The following CCDC178 variants were observed in gnomAD, a reference collection of about 807,000 sequenced individuals.
The protein encoded by CCDC178 is coiled-coil domain containing 178.
In CCDC178, 126 loss-of-function variants were observed where a neutral mutation model predicts 117.4. The ratio of observed to expected loss-of-function variants is 1.07; its 90% confidence interval spans 0.93 to 1.24. The LOEUF is 1.24. Ranked by LOEUF, CCDC178 falls within the 50% of genes most tolerant of loss-of-function variation. CCDC178 has a pLI of 0.00. For missense variants in CCDC178, 1,030 were observed against 986.9 expected, an observed-to-expected ratio of 1.04 and a Z score of -0.59; for synonymous variants, 283 against 313.4, an observed-to-expected ratio of 0.90 and a Z score of 1.02.
intron 21 of CCDC178, among the ~76,000 whole-genome samples, chr18:32,987,335 A>T (rs1430781280): frequency 6.6e-6 from 1 of 152,168 alleles, no homozygotes; most frequent in East Asian, 1.9e-4. Flanking sequence ...AGCACAATGA[A>T]ACATTGAGTA....
At chr18:33,297,858 G>A (rs967910435) in intron 11 of CCDC178, among the ~76,000 whole-genome samples, 9 of 151,960 alleles carry the variant, frequency 5.9e-5, no homozygotes, top group South Asian at 2.1e-4. Context: ...TGGCTAACAC[G>A]GTGAAACCCC....
At chr18:33,181,021 C>T (rs2058727871) in intron 20 of CCDC178, among the ~76,000 whole-genome samples, 1 of 151,896 alleles carries the variant, frequency 6.6e-6, no homozygotes, top group Non-Finnish European at 1.5e-5. Context: ...CAGCTTATAG[C>T]TTAGACCTAG....
At chr18:33,213,252 A>AT (rs572895588) in intron 19 of CCDC178, among the ~76,000 whole-genome samples, 10 of 151,880 alleles carry the variant, frequency 6.6e-5, no homozygotes, top group Non-Finnish European at 1.3e-4. Flanking sequence ...TTAAGTACTC[A>AT]TTTTTTTCTG....
At chr18:32,984,787 G>A (rs2144724776) in intron 21 of CCDC178, among the ~76,000 whole-genome samples, 1 of 152,066 alleles carries the variant, frequency 6.6e-6, no homozygotes, top group Middle Eastern at 3.4e-3. Context: ...AGAATTACAT[G>A]ACAGCTAAAT....
chr18:33,379,592 C>T (rs2063413907), intron 5 of CCDC178, among the ~76,000 whole-genome samples: 1 of 152,062 alleles, frequency 6.6e-6, no homozygotes, highest in African/African-American at 2.4e-5. Flanking sequence ...CAATAGGCAG[C>T]CTCTAGGTAC....
At chr18:33,025,309 C>A (rs1439893900) in intron 21 of CCDC178, among the ~76,000 whole-genome samples, 1 of 151,986 alleles carries the variant, frequency 6.6e-6, no homozygotes, top group Non-Finnish European at 1.5e-5. Flanking sequence ...AAATTCTAGA[C>A]AAAAATATCT....
chr18:33,434,767 G>A (rs1344945152), intron 2 of CCDC178, among the ~76,000 whole-genome samples: 5 of 152,092 alleles, frequency 3.3e-5, no homozygotes, highest in Non-Finnish European at 7.4e-5. Context: ...ACATGGGGAC[G>A]TGAAATGATT....
intron 4 of CCDC178, among the ~76,000 whole-genome samples, chr18:33,390,144 G>C (rs968152025): frequency 1.3e-5 from 2 of 151,094 alleles, no homozygotes; most frequent in African/African-American, 2.4e-5. Context: ...TGTAGGATTT[G>C]TAATTGCTAG....
intron 5 of CCDC178, among the ~76,000 whole-genome samples, chr18:33,385,153 C>G (rs2063479429): frequency 6.6e-6 from 1 of 152,162 alleles, no homozygotes; most frequent in Admixed American, 6.5e-5. Flanking sequence ...TTCAATTCAA[C>G]AAGAAGAGCT....
rs189612574 is a variant in CCDC178 at position 33,021,897 on chromosome 18, T to G, written c.2389-47216A>C. Among the ~76,000 whole-genome samples the G allele has an allele frequency of 1.6e-3, 240 of 152,358 alleles. 1 individual carries two copies. In the Middle Eastern group the frequency reaches 0.017, roughly 11 times the overall value. On this transcript the variant is annotated intron_variant, in intron 21 of 22. Coordinates refer to ENST00000383096, the MANE Select transcript of CCDC178 (RefSeq NM_001105528.4). ...AACTAGACTTTTCTCTCTCTCTCTC[T>G]GTCTCATTCTCTTTCTGTATGTGTT...
chr18:33,109,383 T>C (rs1396389200), intron 20 of CCDC178, among the ~76,000 whole-genome samples: 3 of 151,662 alleles, frequency 2.0e-5, no homozygotes, highest in Non-Finnish European at 4.4e-5. Context: ...GAACTCACTT[T>C]TCTTTTACTA....
intron 18 of CCDC178, among the ~76,000 whole-genome samples, chr18:33,219,185 T>A (rs1021436205): frequency 6.6e-6 from 1 of 152,144 alleles, no homozygotes; most frequent in Non-Finnish European, 1.5e-5. Context: ...ATGCTCATCA[T>A]CACTGGACAT....
intron 6 of CCDC178, among the ~76,000 whole-genome samples, chr18:33,357,894 G>A (rs916416303): frequency 3.3e-5 from 5 of 151,720 alleles, no homozygotes; most frequent in African/African-American, 1.2e-4. Context: ...ATATAGTCAT[G>A]TGTCACTAAT....
intron 20 of CCDC178, among the ~76,000 whole-genome samples, chr18:33,210,954 T>G: frequency 6.6e-6 from 1 of 152,082 alleles, no homozygotes; most frequent in East Asian, 1.9e-4. Flanking sequence ...ATATGTTCTT[T>G]CACCCACATA....
intron 14 of CCDC178, among the ~76,000 whole-genome samples, chr18:33,249,490 A>G (rs991119382): frequency 2.9e-4 from 44 of 152,144 alleles, no homozygotes; most frequent in Admixed American, 3.9e-4. Context: ...ACCTATGGCT[A>G]GCTAGTTTTC....
At chr18:32,996,929 G>T (rs919302197) in intron 21 of CCDC178, among the ~76,000 whole-genome samples, 3 of 151,984 alleles carry the variant, frequency 2.0e-5, no homozygotes, top group Non-Finnish European at 4.4e-5. Context: ...CATTATAGAT[G>T]AATTAGCACA....
chr18:33,121,010 A>G (rs963686501), intron 20 of CCDC178, among the ~76,000 whole-genome samples: 3 of 152,116 alleles, frequency 2.0e-5, no homozygotes, highest in African/African-American at 7.2e-5. Context: ...ATGAGTGATA[A>G]GTTGACACGA....
intron 22 of CCDC178, among the ~76,000 whole-genome samples, chr18:32,967,225 T>A (rs1263385608): frequency 6.6e-6 from 1 of 151,642 alleles, no homozygotes; most frequent in Non-Finnish European, 1.5e-5. Flanking sequence ...AACTCACAGG[T>A]TTTGATATGT....
chr18:32,962,940 T>C (rs1458541293), intron 22 of CCDC178, among the ~76,000 whole-genome samples: 2 of 152,110 alleles, frequency 1.3e-5, no homozygotes, highest in African/African-American at 4.8e-5. Context: ...AATGATTTAC[T>C]AAATATTTAG....
Sources: allele counts gnomAD v4.1 joint callset (sites outside exome capture counted in the v4.1 genomes callset), GRCh38; gene constraint gnomAD v4.1.1; transcripts MANE v1.5; gene names NCBI Gene and HGNC (gene_info 2026-07-23, HGNC 2026-07-21).